The following PDE1C variants were observed in gnomAD, a reference collection of about 807,000 sequenced individuals.
PDE1C encodes dual specificity calcium/calmodulin-dependent 3',5'-cyclic nucleotide phosphodiesterase 1C.
PDE1C carries 62 observed loss-of-function variants against 93.1 expected under a neutral mutation model. The ratio of observed to expected loss-of-function variants is 0.67; its 90% confidence interval spans 0.54 to 0.82. PDE1C has a LOEUF of 0.82. Ranked by LOEUF, PDE1C falls within the 40% of genes least tolerant of loss-of-function variation. The pLI, the probability that PDE1C is intolerant of heterozygous loss-of-function variation, is 0.00. For missense variants in PDE1C, 742 were observed against 884.6 expected (o/e 0.84, Z 2.04); for synonymous variants, 325 against 310.1 (o/e 1.05, Z -0.50).
the PDE1C span, among the ~76,000 whole-genome samples, chr7:31,698,979 T>C: frequency 6.6e-6 from 1 of 152,172 alleles, no homozygotes; most frequent in African/African-American, 2.4e-5. Flanking sequence ...GCCTACTATG[T>C]GCCAGGCACA....
At chr7:32,371,669 A>G (rs1459513799) in intron 1 of PDE1C, among the ~76,000 whole-genome samples, 1 of 152,264 alleles carries the variant, frequency 6.6e-6, no homozygotes, top group African/African-American at 2.4e-5. Context: ...AAATATTTGT[A>G]AAACTTTGAC....
intron 17 of PDE1C, among the ~76,000 whole-genome samples, chr7:31,759,936 A>G (rs926726566): frequency 6.7e-6 from 1 of 149,588 alleles, no homozygotes; most frequent in Admixed American, 6.6e-5. Context: ...CTTCGTGGCT[A>G]CTTTTTTGTT....
chr7:31,689,166 G>A, the PDE1C span, among the ~76,000 whole-genome samples: 1 of 152,188 alleles, frequency 6.6e-6, no homozygotes, highest in East Asian at 1.9e-4. Flanking sequence ...ATATTGCAAT[G>A]ACAGTGGCAG....
At chr7:32,329,976 G>A (rs946968757) in intron 1 of PDE1C, among the ~76,000 whole-genome samples, 2 of 152,220 alleles carry the variant, frequency 1.3e-5, no homozygotes, top group African/African-American at 4.8e-5. Flanking sequence ...ATGCCAAGGA[G>A]CCTGGCAATA....
At chr7:32,108,561 A>G (rs1275854582) in intron 3 of PDE1C, among the ~76,000 whole-genome samples, 9 of 152,154 alleles carry the variant, frequency 5.9e-5, no homozygotes, top group Non-Finnish European at 1.2e-4. Flanking sequence ...AATTCTAGAG[A>G]TTCAAAATAC....
chr7:31,962,583 A>C (rs1809165386), intron 2 of PDE1C, among the ~76,000 whole-genome samples: 1 of 152,226 alleles, frequency 6.6e-6, no homozygotes, highest in Non-Finnish European at 1.5e-5. Context: ...GTAGCCTTAA[A>C]GTGCTCTGGC....
chr7:32,185,353 T>C (rs1435593955), intron 2 of PDE1C, among the ~76,000 whole-genome samples: 2 of 152,148 alleles, frequency 1.3e-5, no homozygotes, highest in African/African-American at 2.4e-5. Flanking sequence ...CTTACAGATT[T>C]GCAGTGCCAG....
At chr7:32,267,142 G>A (rs542832146) in intron 1 of PDE1C, among the ~76,000 whole-genome samples, 21 of 152,342 alleles carry the variant, frequency 1.4e-4, no homozygotes, top group African/African-American at 4.8e-4. Flanking sequence ...GCGGCCCCTG[G>A]CCAATGACCC....
chr7:31,716,821 T>G, the PDE1C span, among the ~76,000 whole-genome samples: 2 of 152,176 alleles, frequency 1.3e-5, no homozygotes, highest in Non-Finnish European at 2.9e-5. Context: ...GTAATGGAAC[T>G]GAAGTAGAAG....
At chr7:31,880,681 C>A in intron 3 of PDE1C, 66 bp downstream of exon 3, 2 of 932,636 alleles carry the variant, frequency 2.1e-6, no homozygotes, top group South Asian at 1.5e-5. Context: ...GGGACAATTT[C>A]AGAAAAGCCA....
chr7:31,634,748 T>G, the PDE1C span, among the ~76,000 whole-genome samples: 1 of 152,194 alleles, frequency 6.6e-6, no homozygotes, highest in Admixed American at 6.5e-5. Context: ...ACAACTGGTT[T>G]GGAACAGGAT....
At chr7:31,672,847 T>C in the PDE1C span, among the ~76,000 whole-genome samples, 1 of 152,320 alleles carries the variant, frequency 6.6e-6, no homozygotes, top group East Asian at 1.9e-4. Context: ...CATGTGTCGA[T>C]GGAGAGACCT....
the PDE1C span, among the ~76,000 whole-genome samples, chr7:31,648,161 G>C: frequency 1.3e-5 from 2 of 152,094 alleles, no homozygotes; most frequent in African/African-American, 4.8e-5. Flanking sequence ...AAAAGTAAAA[G>C]TACACAAATA....
chr7:32,311,454 AAG>A (rs1274702135), intron 1 of PDE1C, among the ~76,000 whole-genome samples: 1 of 152,204 alleles, frequency 6.6e-6, no homozygotes, highest in Non-Finnish European at 1.5e-5. Flanking sequence ...ACAACCAAAA[AAG>A]AGAATTTTAG....
chr7:32,365,435 A>G (rs1386069876), intron 1 of PDE1C, among the ~76,000 whole-genome samples: 1 of 152,120 alleles, frequency 6.6e-6, no homozygotes, highest in Non-Finnish European at 1.5e-5. Context: ...CCAGCCAAGT[A>G]CTGTGAGACC....
intron 3 of PDE1C, among the ~76,000 whole-genome samples, chr7:32,082,064 C>T (rs996870551): frequency 1.3e-5 from 2 of 152,236 alleles, no homozygotes; most frequent in Admixed American, 1.3e-4. Context: ...CGAGGCATTG[C>T]CTCACTCCAG....
intron 14 of PDE1C, among the ~76,000 whole-genome samples, chr7:31,819,581 T>C (rs1453111542): frequency 1.3e-5 from 2 of 152,024 alleles, no homozygotes; most frequent in African/African-American, 2.4e-5. Flanking sequence ...GTCTGTGGTG[T>C]TGGGACTTGG....
At chr7:32,198,955 GA>G (rs935235868) in intron 2 of PDE1C, among the ~76,000 whole-genome samples, 3 of 148,296 alleles carry the variant, frequency 2.0e-5, no homozygotes, top group South Asian at 2.1e-4. Flanking sequence ...TGTCTCTACT[GA>G]AAAAAAAAAT....
intron 2 of PDE1C, among the ~76,000 whole-genome samples, chr7:32,018,516 C>T (rs1028654459): frequency 2.0e-5 from 3 of 152,068 alleles, no homozygotes; most frequent in Admixed American, 6.6e-5. Flanking sequence ...ATATGTACTA[C>T]AACATGGATG....
Sources: gnomAD v4.1 joint callset for allele counts (sites outside exome capture counted in the v4.1 genomes callset) on GRCh38, gnomAD v4.1.1 for gene constraint, MANE v1.5 for transcripts, NCBI Gene and HGNC (gene_info 2026-07-23, HGNC 2026-07-21) for gene names.